Variants in UNC80 observed in about 807,000 individuals in gnomAD.
The protein encoded by UNC80 is protein unc-80 homolog.
UNC80 carries 164 observed loss-of-function variants against 384.6 expected under a neutral mutation model. The observed-to-expected ratio is 0.43, with a 90% CI of 0.38 to 0.49. UNC80 has a LOEUF of 0.49. Among genes scored for constraint, UNC80 ranks in the 20% least tolerant of loss-of-function variants. UNC80 has a pLI of 0.00. For missense variants in UNC80, 3,330 were observed against 4,143.0 expected, an observed-to-expected ratio of 0.80 and a Z score of 5.39; for synonymous variants, 1,486 against 1,527.8, an observed-to-expected ratio of 0.97 and a Z score of 0.64.
intron 47 of UNC80, among the ~76,000 whole-genome samples, chr2:209,950,177 C>G (rs559668777): frequency 5.9e-5 from 9 of 152,186 alleles, no homozygotes; most frequent in African/African-American, 1.9e-4. Context: ...AATTTATACA[C>G]AAAACTGTAA....
chr2:209,955,746 CACACACACACACAG>C (rs2092388969), intron 48 of UNC80, among the ~76,000 whole-genome samples: 1 of 84,700 alleles, frequency 1.2e-5, no homozygotes, highest in African/African-American at 8.3e-5. Context: ...TATACACACA[CACACACACACACAG>C]AGAGAGACTG....
intron 23 of UNC80, 80 bp downstream of exon 23, chr2:209,873,050 TG>T (rs2084439867): frequency 1.5e-6 from 2 of 1,329,412 alleles, no homozygotes; most frequent in Non-Finnish European, 1.1e-6. Flanking sequence ...GTGTTTGTTT[TG>T]AAGACAATTT....
In UNC80 at chr2:209,976,790, C is replaced by A; in HGVS notation, c.8773-123C>A. On this transcript the variant is annotated intron_variant, in intron 57 of 64. Coordinates refer to ENST00000673920, the MANE Select transcript of UNC80 (RefSeq NM_001371986.1). This position sits in a 1 kb window ranked among gnomAD's most constrained non-coding sequence, Gnocchi z 4.3. Reference sequence around the variant, plus strand: ...TATTAAGCACTTCCTGTGTAAAGTGCCGTTCTAGGAACATCACATGCATTA... The same window carrying A: ...TATTAAGCACTTCCTGTGTAAAGTGACGTTCTAGGAACATCACATGCATTA... The A allele has an allele frequency of 9.1e-7, 1 of 1,101,506 alleles. No homozygotes were observed. Among genetic ancestry groups the A allele is most frequent in the Non-Finnish European group, 1.3e-6 (1 of 796,230 alleles). The allele number at this position is 1,101,506 out of a possible 1,614,324, so 68.2% of individuals were successfully genotyped here.
At chr2:209,864,791 G>T (rs2083593709) in intron 22 of UNC80, among the ~76,000 whole-genome samples, 1 of 152,202 alleles carries the variant, frequency 6.6e-6, no homozygotes, top group African/African-American at 2.4e-5. Flanking sequence ...AGCATGTTAG[G>T]TCATTGCGAG....
At chr2:209,903,074 T>C (rs2087608286) in intron 28 of UNC80, among the ~76,000 whole-genome samples, 1 of 151,952 alleles carries the variant, frequency 6.6e-6, no homozygotes, top group African/African-American at 2.4e-5. Context: ...TCCTCCCACA[T>C]ACTCCAAATC....
In UNC80 at chr2:209,817,916, C is replaced by G. The variant is rs1174384310; in HGVS notation, c.1657C>G (p.Pro553Ala). 2 of 1,551,616 alleles carry G rather than the reference C, an allele frequency of 1.3e-6. No individual in the cohort carries two copies. The highest frequency in any genetic ancestry group is 1.7e-6 in the Non-Finnish European group (2 of 1,146,968). The part of the protein sequence containing the change: ...HHTLVSDLPD[P>A]SNSHGENTVK... ...CACCCTGGTAAGCGACCTGCCGGAC[C>G]CCTCCAACAGCCATGGAGAAAACAC... Residue 553 changes from proline (P) to alanine (A), a missense_variant, in exon 11 of 65, where the codon CCC (proline) becomes GCC (alanine). Around this residue, in one of 8 missense-constraint regions of UNC80, gnomAD observed 937 missense variants for 1,026.8 expected, o/e 0.91. Coordinates refer to ENST00000673920, the MANE Select transcript of UNC80 (RefSeq NM_001371986.1).
chr2:209,834,988 C>A lies in UNC80; in HGVS notation c.3019C>A (p.Arg1007Ser). The A allele has an allele frequency of 1.3e-6, 2 of 1,550,680 alleles. No homozygotes were observed. The highest frequency in any genetic ancestry group is 2.4e-5 in the South Asian group (2 of 83,942). ...GGAATGTCGCAGCTTCATGTCTGGT[C>A]GCCCCTCACAGACTCCAGAGCAGTA... ...PEECRSFMSG[R>S]PSQTPEHDEQ... Residue 1007 changes from arginine (R) to serine (S), a missense_variant, in exon 18 of 65, where the codon CGC becomes AGC. Coordinates refer to ENST00000673920, the MANE Select transcript of UNC80 (RefSeq NM_001371986.1).
At chr2:209,930,443 A>C (rs1052517208) in intron 37 of UNC80, among the ~76,000 whole-genome samples, 3 of 152,182 alleles carry the variant, frequency 2.0e-5, no homozygotes, top group Non-Finnish European at 4.4e-5. Flanking sequence ...TCTATGCTAT[A>C]GTCATATTCA....
intron 35 of UNC80, among the ~76,000 whole-genome samples, chr2:209,924,280 T>C (rs998849537): frequency 6.6e-6 from 1 of 152,216 alleles, no homozygotes; most frequent in African/African-American, 2.4e-5. Flanking sequence ...TATTATTGTG[T>C]TGCTATTTGT....
intron 61 of UNC80, among the ~76,000 whole-genome samples, chr2:209,989,650 A>G (rs2093356018): frequency 6.6e-6 from 1 of 152,224 alleles, no homozygotes; most frequent in African/African-American, 2.4e-5. Flanking sequence ...CATAACATAG[A>G]GAGGTGCTTA....
intron 7 of UNC80, among the ~76,000 whole-genome samples, chr2:209,797,295 A>G (rs190192270): frequency 1.3e-5 from 2 of 152,078 alleles, no homozygotes; most frequent in African/African-American, 4.8e-5. Flanking sequence ...TGCTGCACCT[A>G]TTGACCTGTC....
At chr2:209,821,708 G>C (rs976338324) in intron 13 of UNC80, among the ~76,000 whole-genome samples, 1 of 151,934 alleles carries the variant, frequency 6.6e-6, no homozygotes, top group African/African-American at 2.4e-5. Flanking sequence ...ATCAAGAATT[G>C]GTTTTCTTTT....
At chr2:209,782,437 T>C (rs1464641353) in intron 4 of UNC80, among the ~76,000 whole-genome samples, 2 of 152,128 alleles carry the variant, frequency 1.3e-5, no homozygotes, top group Non-Finnish European at 2.9e-5. Flanking sequence ...AGGACTTCAT[T>C]TGAGATCCAT....
At position 209,843,652 on chromosome 2, in the gene UNC80, T is replaced by C. The variant is rs73003324; in HGVS notation, c.3454+1206T>C. ...GAACTCTGTCTTTTCTTCTTTGTACTATAAAGATCTGTCTGCAGAGACATG... is the reference window on the plus strand; with the variant it reads ...GAACTCTGTCTTTTCTTCTTTGTACCATAAAGATCTGTCTGCAGAGACATG... On this transcript the variant is annotated intron_variant, in intron 21 of 64. Coordinates refer to ENST00000673920, the MANE Select transcript of UNC80 (RefSeq NM_001371986.1). Among the ~76,000 whole-genome samples, 834 of 152,310 alleles carry C rather than the reference T, an allele frequency of 5.5e-3. 11 individuals carry two copies. The highest frequency in any genetic ancestry group is 6.8e-3 in the Non-Finnish European group (463 of 68,012).
intron 51 of UNC80, among the ~76,000 whole-genome samples, chr2:209,964,707 G>T (rs1370425948): frequency 6.6e-6 from 1 of 150,608 alleles, no homozygotes; most frequent in East Asian, 2.0e-4. Flanking sequence ...AGAATCGCTT[G>T]TACCGGGAGG....
At position 209,789,565 on chromosome 2, in the gene UNC80, G is replaced by C; in HGVS notation, c.758G>C (p.Arg253Pro). ...KRSSPINSQS[R>P]TCESPNQDAR... Reference sequence around the variant, plus strand: ...AGTTCTCCTATCAACAGTCAAAGCCGGACCTGTGAATCACCAAATCAAGAT... The same window carrying C: ...AGTTCTCCTATCAACAGTCAAAGCCCGACCTGTGAATCACCAAATCAAGAT... The change falls in exon 6 of 65, where the codon CGG becomes CCG. Residue 253 changes from arginine (R) to proline (P), a missense_variant. Around this residue, in one of 8 missense-constraint regions of UNC80, gnomAD observed 937 missense variants for 1,026.8 expected, o/e 0.91. Transcript: ENST00000673920. The C allele has an allele frequency of 1.2e-6, 2 of 1,613,300 alleles. No individual in the cohort carries two copies. Among genetic ancestry groups the C allele is most frequent in the Middle Eastern group, 1.6e-4 (1 of 6,076 alleles).
At chr2:209,992,857 T>C (rs1287358861) in intron 62 of UNC80, among the ~76,000 whole-genome samples, 1 of 152,224 alleles carries the variant, frequency 6.6e-6, no homozygotes, top group East Asian at 1.9e-4. Context: ...TACATTACTT[T>C]CTAAATAAAA....
In UNC80 at chr2:209,825,811, T is replaced by A. The variant is rs2080475459; in HGVS notation, c.2332-96T>A. ...AATTGCAGGTGCTCCCTGTAAAACATATAAACTTGATTTAATCATACAATA... is the reference window on the plus strand; with the variant it reads ...AATTGCAGGTGCTCCCTGTAAAACAAATAAACTTGATTTAATCATACAATA... On this transcript the variant is annotated intron_variant, in intron 13 of 64. Coordinates refer to ENST00000673920, the MANE Select transcript of UNC80 (RefSeq NM_001371986.1). 2.5e-6 allele frequency: 3 copies of A among 1,190,434 alleles called. No homozygotes were observed. The East Asian group carries it at 8.9e-5, about 35-fold the overall frequency. 73.7% of individuals were successfully genotyped at this position (1,190,434 alleles called of 1,614,324 possible).
chr2:209,989,863 G>C (rs2093360614), intron 61 of UNC80, among the ~76,000 whole-genome samples: 1 of 152,158 alleles, frequency 6.6e-6, no homozygotes, highest in Non-Finnish European at 1.5e-5. Context: ...TTTTTTGGCT[G>C]CTTATTCCTA....
Sources: gnomAD v4.1 joint callset for allele counts (sites outside exome capture counted in the v4.1 genomes callset) on GRCh38, gnomAD v4.1.1 for gene constraint, gnomAD v4.1.1 regional missense constraint, Gnocchi (gnomAD v3.1) non-coding constraint, MANE v1.5 for transcripts, NCBI Gene and HGNC (gene_info 2026-07-23, HGNC 2026-07-21) for gene names.